The following ZCCHC7 variants were observed in gnomAD, a reference collection of about 807,000 sequenced individuals.
The protein encoded by ZCCHC7 is zinc finger CCHC-type containing 7, also known as zinc finger CCHC domain-containing protein 7.
A neutral mutation model predicts 52.0 loss-of-function variants in ZCCHC7; 35 were observed. The observed-to-expected ratio is 0.67, with a 90% CI of 0.51 to 0.89. The LOEUF is 0.89. Ranked by LOEUF, ZCCHC7 falls within the 40% of genes least tolerant of loss-of-function variation. The pLI is 0.00. For missense variants in ZCCHC7, 574 were observed against 649.1 expected, an observed-to-expected ratio of 0.88 and a Z score of 1.26; for synonymous variants, 217 against 221.5, an observed-to-expected ratio of 0.98 and a Z score of 0.18.
chr9:37,298,614 GCCTCAGGTGGGGGATTGACTGC>G (rs1828892956), intron 2 of ZCCHC7, among the ~76,000 whole-genome samples: 1 of 152,170 alleles, frequency 6.6e-6, no homozygotes, highest in African/African-American at 2.4e-5. Flanking sequence ...ATCAGTGGTT[GCCTCAGGTGGGGGATTGACTGC>G]ACATGTGCAC....
At chr9:37,299,865 T>G (rs1014952986) in intron 2 of ZCCHC7, among the ~76,000 whole-genome samples, 1 of 152,238 alleles carries the variant, frequency 6.6e-6, no homozygotes, top group Non-Finnish European at 1.5e-5. Context: ...CAGTTGACCC[T>G]TAAACAACAC....
intron 2 of ZCCHC7, among the ~76,000 whole-genome samples, chr9:37,136,792 T>G (rs1298854553): frequency 6.6e-6 from 1 of 151,920 alleles, no homozygotes; most frequent in Non-Finnish European, 1.5e-5. Context: ...GATTTTTTTG[T>G]TTTGTGTTGT....
intron 7 of ZCCHC7, among the ~76,000 whole-genome samples, chr9:37,350,391 A>G (rs1588709533): frequency 6.6e-6 from 1 of 151,882 alleles, no homozygotes; most frequent in South Asian, 2.1e-4. Context: ...CTCGGCCTCC[A>G]AAAGTGTTGG....
At chr9:37,230,275 T>C (rs897914714) in intron 2 of ZCCHC7, among the ~76,000 whole-genome samples, 11 of 152,354 alleles carry the variant, frequency 7.2e-5, no homozygotes, top group Non-Finnish European at 1.3e-4. Context: ...TGCTAGACTT[T>C]TAATGACTGG....
At chr9:37,264,714 C>T (rs1317847519) in intron 2 of ZCCHC7, among the ~76,000 whole-genome samples, 1 of 152,116 alleles carries the variant, frequency 6.6e-6, no homozygotes, top group Non-Finnish European at 1.5e-5. Context: ...AGAGCTAGCA[C>T]CATAAATTAC....
chr9:37,280,521 ACTTTGTT>A (rs1163111290), intron 2 of ZCCHC7, among the ~76,000 whole-genome samples: 4 of 152,180 alleles, frequency 2.6e-5, no homozygotes, highest in African/African-American at 9.6e-5. Context: ...GAAATCTTAG[ACTTTGTT>A]CTTTGATCAT....
chr9:37,311,640 C>T (rs892044935), intron 5 of ZCCHC7, among the ~76,000 whole-genome samples: 2 of 152,134 alleles, frequency 1.3e-5, no homozygotes, highest in African/African-American at 4.8e-5. Context: ...GAACTCCTGA[C>T]CTCAGGTGAT....
At chr9:37,291,043 A>G (rs1490074013) in intron 2 of ZCCHC7, among the ~76,000 whole-genome samples, 3 of 152,236 alleles carry the variant, frequency 2.0e-5, no homozygotes, top group South Asian at 4.1e-4. Context: ...GTATTGCATT[A>G]TCTTTCAAGA....
intron 2 of ZCCHC7, among the ~76,000 whole-genome samples, chr9:37,169,594 A>T (rs1023825860): frequency 6.6e-6 from 1 of 152,142 alleles, no homozygotes; most frequent in African/African-American, 2.4e-5. Context: ...GTCTTCAGAA[A>T]TTTTTTAAGA....
chr9:37,204,475 A>G (rs1311594750), intron 2 of ZCCHC7, among the ~76,000 whole-genome samples: 1 of 152,096 alleles, frequency 6.6e-6, no homozygotes, highest in Admixed American at 6.5e-5. Flanking sequence ...TCTTGAGTTA[A>G]TTTTTGTATG....
At chr9:37,221,773 G>A (rs1270855542) in intron 2 of ZCCHC7, among the ~76,000 whole-genome samples, 4 of 152,020 alleles carry the variant, frequency 2.6e-5, no homozygotes, top group South Asian at 2.1e-4. Flanking sequence ...CATGAAATAC[G>A]AGTACTAAAA....
At chr9:37,175,653 G>A (rs118099137) in intron 2 of ZCCHC7, among the ~76,000 whole-genome samples, 2,000 of 152,188 alleles carry the variant, frequency 0.013, 28 homozygotes, top group Middle Eastern at 0.024. Context: ...CACGAGAATC[G>A]ATTAAACCCC....
intron 2 of ZCCHC7, among the ~76,000 whole-genome samples, chr9:37,271,304 C>T (rs533748833): frequency 1.3e-5 from 2 of 152,242 alleles, no homozygotes; most frequent in East Asian, 1.9e-4. Context: ...ATGTGTTAAA[C>T]TCTACAGGAT....
chr9:37,254,525 C>G (rs544425226), intron 2 of ZCCHC7, among the ~76,000 whole-genome samples: 16 of 151,796 alleles, frequency 1.1e-4, no homozygotes, highest in African/African-American at 3.6e-4. Flanking sequence ...GTGATAAAAT[C>G]TAGGAAAGAA....
At chr9:37,285,710 A>G (rs1395418744) in intron 2 of ZCCHC7, among the ~76,000 whole-genome samples, 2 of 152,218 alleles carry the variant, frequency 1.3e-5, no homozygotes, top group East Asian at 1.9e-4. Flanking sequence ...ACAGATGACA[A>G]TTGACTATTA....
intron 2 of ZCCHC7, among the ~76,000 whole-genome samples, chr9:37,144,448 T>G (rs1384511638): frequency 1.3e-5 from 2 of 151,972 alleles, no homozygotes; most frequent in African/African-American, 4.8e-5. Flanking sequence ...CTTGCAAAAC[T>G]TCACAAAATA....
intron 2 of ZCCHC7, among the ~76,000 whole-genome samples, chr9:37,155,791 G>A (rs149323550): frequency 5.1e-4 from 77 of 152,290 alleles, no homozygotes; most frequent in African/African-American, 1.8e-3. Flanking sequence ...CTTAGCAGCC[G>A]GTAATGGTTA....
intron 2 of ZCCHC7, among the ~76,000 whole-genome samples, chr9:37,173,908 A>G (rs575298760): frequency 2.3e-4 from 35 of 152,338 alleles, no homozygotes; most frequent in Middle Eastern, 3.4e-3. Flanking sequence ...TTGTGGAATT[A>G]TACCTCGTTC....
At chr9:37,345,719 C>CAAAA (rs34403603) in intron 6 of ZCCHC7, among the ~76,000 whole-genome samples, 2 of 119,106 alleles carry the variant, frequency 1.7e-5, no homozygotes, top group African/African-American at 3.3e-5. Context: ...GACTCCATCT[C>CAAAA]AAAAAAAAAA....
Sources: gnomAD v4.1 joint callset for allele counts (sites outside exome capture counted in the v4.1 genomes callset) on GRCh38, gnomAD v4.1.1 for gene constraint, MANE v1.5 for transcripts, NCBI Gene and HGNC (gene_info 2026-07-23, HGNC 2026-07-21) for gene names.